QTMAN: variants seen among roughly 807,000 people sequenced by gnomAD.
The protein encoded by QTMAN is tRNA-queuosine alpha-mannosyltransferase.
the QTMAN span, among the ~76,000 whole-genome samples, chr2:144,271,880 A>T: frequency 6.6e-6 from 1 of 152,220 alleles, no homozygotes; most frequent in Admixed American, 6.5e-5. Flanking sequence ...CAATAATCTT[A>T]GTTGAAAGAG....
At chr2:144,183,095 T>C in the QTMAN span, among the ~76,000 whole-genome samples, 1 of 150,278 alleles carries the variant, frequency 6.7e-6, no homozygotes, top group African/African-American at 2.4e-5. Context: ...GTGAGATTCA[T>C]TTTAATATTT....
chr2:144,133,882 T>C, the QTMAN span, among the ~76,000 whole-genome samples: 3 of 152,096 alleles, frequency 2.0e-5, no homozygotes, highest in Non-Finnish European at 4.4e-5. Context: ...GCTTTTCTTC[T>C]ACTTTAGCTT....
chr2:144,307,158 T>A, the QTMAN span, among the ~76,000 whole-genome samples: 1 of 34,986 alleles, frequency 2.9e-5, no homozygotes. Context: ...AGACTCCGTC[T>A]TAAAAAAAAA....
At chr2:144,240,564 G>T in the QTMAN span, among the ~76,000 whole-genome samples, 7 of 152,146 alleles carry the variant, frequency 4.6e-5, no homozygotes, top group African/African-American at 1.7e-4. Context: ...ATTGTAATGT[G>T]ACTGCTTTTT....
chr2:144,027,995 C>T, the QTMAN span, among the ~76,000 whole-genome samples: 3 of 152,058 alleles, frequency 2.0e-5, no homozygotes, highest in East Asian at 3.9e-4. Flanking sequence ...TAAACTCCTT[C>T]GACCACTTCT....
the QTMAN span, among the ~76,000 whole-genome samples, chr2:144,089,645 A>T: frequency 6.6e-6 from 1 of 152,058 alleles, no homozygotes; most frequent in African/African-American, 2.4e-5. Flanking sequence ...AACAACATAC[A>T]TGGAACTGGA....
chr2:144,185,634 C>T, the QTMAN span, among the ~76,000 whole-genome samples: 1 of 152,118 alleles, frequency 6.6e-6, no homozygotes, highest in African/African-American at 2.4e-5. Context: ...GAGCTACTGC[C>T]TTGAAATTTT....
the QTMAN span, among the ~76,000 whole-genome samples, chr2:144,139,078 CAAAG>C: frequency 2.6e-5 from 4 of 151,784 alleles, no homozygotes; most frequent in African/African-American, 4.8e-5. Context: ...TTAAGCTGGA[CAAAG>C]AAAGAGAAAA....
the QTMAN span, among the ~76,000 whole-genome samples, chr2:144,060,489 G>C: frequency 6.6e-6 from 1 of 152,114 alleles, no homozygotes; most frequent in East Asian, 1.9e-4. Flanking sequence ...TCAAACTCCT[G>C]ACCTCAGGTG....
At chr2:144,213,105 C>T in the QTMAN span, among the ~76,000 whole-genome samples, 3 of 152,080 alleles carry the variant, frequency 2.0e-5, no homozygotes, top group Admixed American at 6.5e-5. Context: ...TAGCATCATC[C>T]CAATTAAAAA....
At chr2:144,300,067 C>T in the QTMAN span, among the ~76,000 whole-genome samples, 5 of 152,192 alleles carry the variant, frequency 3.3e-5, no homozygotes, top group African/African-American at 1.2e-4. Context: ...CTAGAGTAGT[C>T]TCATTCATAA....
At chr2:144,196,538 A>G in the QTMAN span, among the ~76,000 whole-genome samples, 1 of 152,146 alleles carries the variant, frequency 6.6e-6, no homozygotes. Context: ...TTTTCTTAGA[A>G]ACATATTAGT....
At chr2:144,079,857 A>C in the QTMAN span, among the ~76,000 whole-genome samples, 1 of 152,196 alleles carries the variant, frequency 6.6e-6, no homozygotes, top group African/African-American at 2.4e-5. Context: ...CTAGAGTCTA[A>C]TTTTTAGGTA....
chr2:143,955,455 G>A, the QTMAN span, among the ~76,000 whole-genome samples: 1 of 152,042 alleles, frequency 6.6e-6, no homozygotes. Context: ...TTTTAAAAAT[G>A]AAATTCTCAT....
chr2:143,981,566 C>A, the QTMAN span, among the ~76,000 whole-genome samples: 1 of 152,116 alleles, frequency 6.6e-6, no homozygotes, highest in Non-Finnish European at 1.5e-5. Context: ...TAGAAATGGA[C>A]AAAGTCATTA....
At chr2:144,128,287 C>G in the QTMAN span, 3 of 152,094 alleles carry the variant, frequency 2.0e-5, no homozygotes, top group South Asian at 6.2e-4. Flanking sequence ...ATTCCTCACT[C>G]TTCAAATAAG....
chr2:144,265,237 T>C, the QTMAN span, among the ~76,000 whole-genome samples: 3 of 152,206 alleles, frequency 2.0e-5, no homozygotes, highest in African/African-American at 7.2e-5. Flanking sequence ...AGACCAGACC[T>C]TGAACTGGGA....
chr2:144,250,750 CG>C, the QTMAN span, among the ~76,000 whole-genome samples: 48 of 116,102 alleles, frequency 4.1e-4, no homozygotes, highest in African/African-American at 1.5e-3. Context: ...TCTTTAAGGC[CG>C]AAAAAAAAAA....
At chr2:144,160,666 G>A in the QTMAN span, among the ~76,000 whole-genome samples, 1 of 152,108 alleles carries the variant, frequency 6.6e-6, no homozygotes, top group East Asian at 1.9e-4. Context: ...TGATCAAGAT[G>A]CCTAACAAAG....
Sources: gnomAD v4.1 joint callset for allele counts (sites outside exome capture counted in the v4.1 genomes callset) on GRCh38, gnomAD v4.1.1 for gene constraint, MANE v1.5 for transcripts, NCBI Gene and HGNC (gene_info 2026-07-23, HGNC 2026-07-21) for gene names.